The following PPM1E variants were observed in gnomAD, a reference collection of about 807,000 sequenced individuals.
PPM1E encodes protein phosphatase, Mg2+/Mn2+ dependent 1E.
In PPM1E, 20 loss-of-function variants were observed where a neutral mutation model predicts 65.9. That is an observed-to-expected ratio of 0.30 (90% CI 0.21 to 0.44). PPM1E has a LOEUF of 0.44. PPM1E is among the 20% of genes least tolerant of loss of function. PPM1E has a pLI of 1.00. For synonymous variants in PPM1E, 352 were observed against 374.9 expected (o/e 0.94, Z 0.70); for missense variants, 713 against 953.1 (o/e 0.75, Z 3.32).
chr17:58,807,006 G>A (rs1323691722), intron 1 of PPM1E, among the ~76,000 whole-genome samples: 1 of 151,786 alleles, frequency 6.6e-6, no homozygotes, highest in African/African-American at 2.4e-5. Context: ...GCCTGGCCTT[G>A]TTTTGTGTTT....
chr17:58,812,634 ACCT>A (rs1349772615), intron 1 of PPM1E, among the ~76,000 whole-genome samples: 3 of 151,948 alleles, frequency 2.0e-5, no homozygotes, highest in East Asian at 1.9e-4. Flanking sequence ...GTTCACTGCA[ACCT>A]CCTCCTCCTG....
intron 1 of PPM1E, among the ~76,000 whole-genome samples, chr17:58,778,464 C>T (rs2050016753): frequency 7.1e-6 from 1 of 140,674 alleles, no homozygotes; most frequent in East Asian, 2.1e-4. Context: ...CTGGAGAGTG[C>T]AGTGTCATGA....
rs77739562 is a variant in PPM1E at position 58,984,025 on chromosome 17, A to G, written c.*2994A>G. 3 of 152,746 alleles carry G rather than the reference A, an allele frequency of 2.0e-5. No homozygotes were observed. The East Asian group carries it at 5.8e-4, about 29-fold the overall frequency. The allele number at this position is 152,746 out of a possible 1,614,324, so 9.5% of individuals were successfully genotyped here. On this transcript the variant is annotated 3_prime_UTR_variant, in exon 7 of 7. Transcript: ENST00000308249. ...GTTAGGCAACATTACAGCAACACACACTGGGGCTATTAATCCCATTTAGGT... is the reference window on the plus strand; with the variant it reads ...GTTAGGCAACATTACAGCAACACACGCTGGGGCTATTAATCCCATTTAGGT...
intron 1 of PPM1E, among the ~76,000 whole-genome samples, chr17:58,794,637 C>G (rs1350710820): frequency 1.3e-5 from 2 of 152,108 alleles, no homozygotes; most frequent in African/African-American, 4.8e-5. Flanking sequence ...ATGTTTAACT[C>G]CCACTTATAA....
At chr17:58,782,546 T>A (rs150535877) in intron 1 of PPM1E, among the ~76,000 whole-genome samples, 1,701 of 151,590 alleles carry the variant, frequency 0.011, 37 homozygotes, top group African/African-American at 0.039. Flanking sequence ...GGATTACAGG[T>A]GCGTGCCACC....
intron 1 of PPM1E, among the ~76,000 whole-genome samples, chr17:58,786,309 T>A (rs2050100537): frequency 1.3e-5 from 2 of 152,202 alleles, no homozygotes; most frequent in Admixed American, 1.3e-4. Context: ...CCATCGGGCC[T>A]GGCCACCTTT....
chr17:58,921,823 C>G (rs111983925), intron 1 of PPM1E, among the ~76,000 whole-genome samples: 4,305 of 151,756 alleles, frequency 0.028, 186 homozygotes, highest in African/African-American at 0.098. Flanking sequence ...GGTGGATTGT[C>G]TGAGGTCAGG....
At chr17:58,940,545 C>T (rs956288254) in intron 1 of PPM1E, among the ~76,000 whole-genome samples, 2 of 152,184 alleles carry the variant, frequency 1.3e-5, no homozygotes, top group South Asian at 2.1e-4. Context: ...TTGCAGATGA[C>T]ACATTAATGA....
chr17:58,808,721 A>G (rs1030781204), intron 1 of PPM1E, among the ~76,000 whole-genome samples: 1 of 152,214 alleles, frequency 6.6e-6, no homozygotes, highest in African/African-American at 2.4e-5. Context: ...GAGTTGTGCA[A>G]TGATCACTAC....
At chr17:58,924,337 T>C (rs1366028005) in intron 1 of PPM1E, among the ~76,000 whole-genome samples, 2 of 152,046 alleles carry the variant, frequency 1.3e-5, no homozygotes, top group Non-Finnish European at 2.9e-5. Flanking sequence ...AAATTAGGTA[T>C]ACCAAATTTT....
intron 1 of PPM1E, among the ~76,000 whole-genome samples, chr17:58,777,637 AG>A (rs2050006664): frequency 6.6e-6 from 1 of 152,192 alleles, no homozygotes; most frequent in Non-Finnish European, 1.5e-5. Flanking sequence ...AGTGGGAACA[AG>A]TACCTATAAG....
intron 1 of PPM1E, among the ~76,000 whole-genome samples, chr17:58,880,494 A>G (rs2051182679): frequency 6.6e-6 from 1 of 152,240 alleles, no homozygotes; most frequent in African/African-American, 2.4e-5. Context: ...TCTTTCAGGG[A>G]AAATCTGACG....
At chr17:58,765,781 T>C (rs774609042) in intron 1 of PPM1E, among the ~76,000 whole-genome samples, 5 of 152,052 alleles carry the variant, frequency 3.3e-5, no homozygotes, top group Non-Finnish European at 5.9e-5. Context: ...AAGATCACTA[T>C]AGAAACATTA....
At chr17:58,937,371 C>G (rs2051996955) in intron 1 of PPM1E, among the ~76,000 whole-genome samples, 2 of 147,472 alleles carry the variant, frequency 1.4e-5, no homozygotes, top group South Asian at 4.4e-4. Context: ...TCAAGCGATT[C>G]TCCTGCCTCA....
intron 1 of PPM1E, among the ~76,000 whole-genome samples, chr17:58,822,472 C>T (rs1047576606): frequency 1.3e-5 from 2 of 151,838 alleles, no homozygotes; most frequent in African/African-American, 4.8e-5. Context: ...ATGGTTAGAA[C>T]CTCTAGGTGT....
intron 1 of PPM1E, chr17:58,785,418 C>T (rs1005586464): frequency 7.0e-6 from 1 of 142,074 alleles, no homozygotes; most frequent in African/African-American, 2.6e-5. Flanking sequence ...TCTTCTGCCT[C>T]AGCCTCCCAG....
At chr17:58,757,529 T>G (rs1472287184) in intron 1 of PPM1E, among the ~76,000 whole-genome samples, 1 of 152,214 alleles carries the variant, frequency 6.6e-6, no homozygotes, top group Non-Finnish European at 1.5e-5. Context: ...TAATGAAAGG[T>G]GTTACTCTGG....
In PPM1E at chr17:58,901,230, A is replaced by G. The variant is rs184620638; in HGVS notation, c.465-54419A>G. Among the ~76,000 whole-genome samples, 11 of 152,366 alleles carry G rather than the reference A, an allele frequency of 7.2e-5. 1 individual carries two copies. The highest frequency in any genetic ancestry group is 6.5e-4 in the Admixed American group (10 of 15,306). On this transcript the variant is annotated intron_variant, in intron 1 of 6. Coordinates refer to ENST00000308249, the MANE Select transcript of PPM1E (RefSeq NM_014906.5). ...GAGGAAAATATTCACTAGAAATATT[A>G]TCATCATAAAAAATGTGAATATGAT...
At chr17:58,796,136 A>G (rs536597687) in intron 1 of PPM1E, among the ~76,000 whole-genome samples, 1 of 152,184 alleles carries the variant, frequency 6.6e-6, no homozygotes, top group African/African-American at 2.4e-5. Flanking sequence ...CACTGCAGCC[A>G]TGAACTAAGC....
Sources: gnomAD v4.1 joint callset for allele counts (sites outside exome capture counted in the v4.1 genomes callset) on GRCh38, gnomAD v4.1.1 for gene constraint, MANE v1.5 for transcripts, NCBI Gene and HGNC (gene_info 2026-07-23, HGNC 2026-07-21) for gene names.